The following COL11A1 variants were observed in gnomAD, a reference collection of about 807,000 sequenced individuals.
COL11A1 encodes the protein collagen alpha-1(XI) chain.
In COL11A1, 74 loss-of-function variants were observed where a neutral mutation model predicts 265.2. The ratio of observed to expected loss-of-function variants is 0.28; its 90% CI spans 0.23 to 0.34. The LOEUF is 0.34. Among genes scored for constraint, COL11A1 ranks in the 10% least tolerant of loss-of-function variants. COL11A1 has a pLI of 1.00. For missense variants in COL11A1, 2,165 were observed against 2,263.6 expected (o/e 0.96, Z 0.88); for synonymous variants, 816 against 727.6 (o/e 1.12, Z -1.96).
intron 11 of COL11A1, among the ~76,000 whole-genome samples, chr1:103,017,187 C>A (rs562616378): frequency 3.9e-5 from 6 of 152,026 alleles, no homozygotes; most frequent in Non-Finnish European, 7.4e-5. Context: ...ATAGCTGTTA[C>A]TCAGTCCAGA....
intron 49 of COL11A1, among the ~76,000 whole-genome samples, chr1:102,920,062 C>A (rs1248167502): frequency 1.3e-5 from 2 of 152,016 alleles, no homozygotes; most frequent in African/African-American, 4.8e-5. Context: ...ATTAAGGACA[C>A]CGTAATTGTG....
Position 102,997,251 on chromosome 1 carries a change from CTT to C in COL11A1, c.2197-129_2197-128del, listed in dbSNP as rs1257487248. 10 of 897,284 alleles carry C rather than the reference CTT, an allele frequency of 1.1e-5. 1 individual carries two copies. The African/African-American group carries it at 1.5e-4, about 13-fold the overall frequency. 55.6% of individuals were successfully genotyped at this position (897,284 alleles called of 1,614,324 possible). On this transcript the variant is annotated intron_variant, in intron 25 of 66. Coordinates refer to ENST00000370096, the MANE Select transcript of COL11A1 (RefSeq NM_001854.4). ...CTTTAAGTTTCAAAAACATTGAACA[CTT>C]TTGCATCAGTGTGTATGGCTTTAAA...
At chr1:103,046,990 G>A (rs1669328175) in intron 4 of COL11A1, among the ~76,000 whole-genome samples, 1 of 152,168 alleles carries the variant, frequency 6.6e-6, no homozygotes. Context: ...CAAGTACCAT[G>A]TTGTTTTGGT....
chr1:103,055,774 C>A lies in COL11A1; in HGVS notation c.651+18844G>T, dbSNP rs188237409. On this transcript the variant is annotated intron_variant, in intron 4 of 66. Transcript: ENST00000370096. ...ATTTTATGTGTGCCCCAAGACAATT[C>A]TTCTCTTCCAATGTGGCCCAGGAAA... 4.5e-3 allele frequency among the ~76,000 whole-genome samples: 679 copies of A among 152,284 alleles called. 5 individuals are homozygous for A. The highest frequency in any genetic ancestry group is 6.8e-3 in the Non-Finnish European group (464 of 68,008).
In COL11A1 at chr1:102,958,319, CT is replaced by C. The variant is rs528892181; in HGVS notation, c.3168+3546del. Among the ~76,000 whole-genome samples, 274 of 148,510 alleles carry C rather than the reference CT, an allele frequency of 1.8e-3. 2 individuals are homozygous for C. Among genetic ancestry groups the C allele is most frequent in the Middle Eastern group, 0.011 (3 of 284 alleles). On this transcript the variant is annotated intron_variant, in intron 41 of 66. Coordinates refer to ENST00000370096, the MANE Select transcript of COL11A1 (RefSeq NM_001854.4). ...TTTAAAGAAATCCCTACTCCTGATTCTTTTTTTTTTCAATATTAATTGCAAG... is the reference window on the plus strand; with the variant it reads ...TTTAAAGAAATCCCTACTCCTGATTCTTTTTTTTTCAATATTAATTGCAAG...
intron 1 of COL11A1, 29 bp from the exon 2 acceptor site, chr1:103,083,001 A>G (rs1446959160): frequency 6.2e-7 from 1 of 1,603,612 alleles, no homozygotes; most frequent in Non-Finnish European, 8.5e-7. Flanking sequence ...ATAAAAAACC[A>G]GAATTGAACA....
intron 42 of COL11A1, among the ~76,000 whole-genome samples, chr1:102,941,781 C>G (rs1275655871): frequency 6.6e-6 from 1 of 152,072 alleles, no homozygotes; most frequent in Non-Finnish European, 1.5e-5. Context: ...TATGAGTAAC[C>G]TGAGTTTGCC....
In COL11A1 at chr1:103,014,834, A is replaced by G. The variant is rs115895503; in HGVS notation, c.1489-240T>C. Among the ~76,000 whole-genome samples, 12 of 152,234 alleles carry G rather than the reference A, an allele frequency of 7.9e-5. No homozygotes were observed. The South Asian group carries it at 2.5e-3, about 32-fold the overall frequency. On this transcript the variant is annotated intron_variant, in intron 12 of 66. Coordinates refer to ENST00000370096, the MANE Select transcript of COL11A1 (RefSeq NM_001854.4). ...AAGAAGAAACTAGAAACTCTGTTTC[A>G]ATTTTAAATGCTATAATTTCTATAC...
At chr1:103,015,780 TCAAAA>T in intron 11 of COL11A1, 38 bp from the exon 12 acceptor site, 6 of 1,341,226 alleles carry the variant, frequency 4.5e-6, no homozygotes, top group East Asian at 2.5e-5. Context: ...TAAATAAATA[TCAAAA>T]TAATATTTAC....
intron 35 of COL11A1, among the ~76,000 whole-genome samples, chr1:102,977,009 C>A (rs1425643082): frequency 6.6e-6 from 1 of 152,036 alleles, no homozygotes; most frequent in African/African-American, 2.4e-5. Flanking sequence ...TATATATATG[C>A]ATGCCATGTA....
intron 30 of COL11A1, 43 bp from the exon 31 acceptor site, chr1:102,984,234 G>A (rs770313617): frequency 5.6e-6 from 7 of 1,254,270 alleles, no homozygotes; most frequent in Admixed American, 1.8e-5. Flanking sequence ...ATTTTAAGTT[G>A]AATTAAGCTT....
chr1:103,023,237 A>T (rs1667244197), intron 7 of COL11A1, among the ~76,000 whole-genome samples: 1 of 152,222 alleles, frequency 6.6e-6, no homozygotes, highest in Non-Finnish European at 1.5e-5. Context: ...AAATATTCAC[A>T]TGGAATTAAC....
intron 4 of COL11A1, among the ~76,000 whole-genome samples, chr1:103,031,979 C>A (rs1301788308): frequency 3.3e-5 from 5 of 150,458 alleles, no homozygotes; most frequent in Non-Finnish European, 4.4e-5. Flanking sequence ...ATTTCAAGAG[C>A]TTTTGGAAAC....
intron 1 of COL11A1, among the ~76,000 whole-genome samples, chr1:103,103,939 A>C (rs1674491932): frequency 6.6e-6 from 1 of 151,990 alleles, no homozygotes; most frequent in South Asian, 2.1e-4. Flanking sequence ...TATTATTTAA[A>C]ATTCTTTTGA....
chr1:102,990,906 G>A (rs1241834356), intron 28 of COL11A1, among the ~76,000 whole-genome samples: 1 of 152,026 alleles, frequency 6.6e-6, no homozygotes, highest in African/African-American at 2.4e-5. Context: ...GGTTGTGGGT[G>A]CCTATTATCC....
In COL11A1 at chr1:102,956,193, G is replaced by A. The variant is rs181053814; in HGVS notation, c.3168+5673C>T. 1.7e-3 allele frequency among the ~76,000 whole-genome samples: 258 copies of A among 152,180 alleles called. 1 individual carries two copies. The highest frequency in any genetic ancestry group is 0.01 in the Middle Eastern group (3 of 294). ...AAGACTAAATTTAGCACACAAAAAG[G>A]CTGCTTTTCATAGATAAAACTGGTT... On this transcript the variant is annotated intron_variant, in intron 41 of 66. Coordinates refer to ENST00000370096, the MANE Select transcript of COL11A1 (RefSeq NM_001854.4).
intron 4 of COL11A1, among the ~76,000 whole-genome samples, chr1:103,051,285 T>A (rs927591948): frequency 1.3e-5 from 2 of 152,250 alleles, no homozygotes; most frequent in Non-Finnish European, 2.9e-5. Flanking sequence ...GTTTACCTAA[T>A]CAAGTCTTGG....
Position 102,920,511 on chromosome 1 carries a change from A to G in COL11A1, c.3709-147T>C, listed in dbSNP as rs551263540. 3.1e-5 allele frequency: 21 copies of G among 685,356 alleles called. No homozygotes were observed. The African/African-American group carries it at 3.8e-4, about 12-fold the overall frequency. The allele number at this position is 685,356 out of a possible 1,614,324, so 42.5% of individuals were successfully genotyped here. ...AGAATGAGACTAAATGATGCTTAATAGAATTGTCAAATGTGTTGGAAAGCA... is the reference window on the plus strand; with the variant it reads ...AGAATGAGACTAAATGATGCTTAATGGAATTGTCAAATGTGTTGGAAAGCA... On this transcript the variant is annotated intron_variant, in intron 48 of 66. Transcript: ENST00000370096.
At position 103,108,336 on chromosome 1, in the gene COL11A1, G is replaced by T; in HGVS notation, c.-158C>A. 1.4e-6 allele frequency: 1 copy of T among 693,120 alleles called. No individual in the cohort carries two copies. The allele number at this position is 693,120 out of a possible 1,614,324, so 42.9% of individuals were successfully genotyped here. ...AAGGGCTTTTTCTTCTAAATTTGAT[G>T]GTTTGCGTTCTTCGTGTCTCTAGCC... On this transcript the variant is annotated 5_prime_UTR_variant, in exon 1 of 67. Coordinates refer to ENST00000370096, the MANE Select transcript of COL11A1 (RefSeq NM_001854.4).
Sources: gnomAD v4.1 joint callset for allele counts (sites outside exome capture counted in the v4.1 genomes callset) on GRCh38, gnomAD v4.1.1 for gene constraint, MANE v1.5 for transcripts, NCBI Gene and HGNC (gene_info 2026-07-23, HGNC 2026-07-21) for gene names.